CNTNAP2: variants seen among roughly 807,000 people sequenced by gnomAD.
CNTNAP2 encodes the protein contactin-associated protein-like 2.
CNTNAP2 carries 98 observed loss-of-function variants against 155.2 expected under a neutral mutation model. That is an observed-to-expected ratio of 0.63 (90% CI 0.54 to 0.75). CNTNAP2 has a LOEUF of 0.75. Among genes scored for constraint, CNTNAP2 ranks in the 30% least tolerant of loss-of-function variants. The pLI is 0.00. For missense variants in CNTNAP2, 1,727 were observed against 1,688.1 expected, an observed-to-expected ratio of 1.02 and a Z score of -0.40; for synonymous variants, 651 against 631.2, an observed-to-expected ratio of 1.03 and a Z score of -0.47.
At chr7:146,862,424 T>C (rs191906109) in intron 3 of CNTNAP2, among the ~76,000 whole-genome samples, 102 of 151,482 alleles carry the variant, frequency 6.7e-4, no homozygotes, top group Admixed American at 4.4e-3. Context: ...CTTCTTACAC[T>C]TCCTTGTTAA....
chr7:148,296,174 G>T (rs1003935540), intron 21 of CNTNAP2, among the ~76,000 whole-genome samples: 1 of 152,038 alleles, frequency 6.6e-6, no homozygotes, highest in Non-Finnish European at 1.5e-5. Context: ...TCCAATTTTT[G>T]TTCTCAGGCA....
intron 1 of CNTNAP2, among the ~76,000 whole-genome samples, chr7:146,141,645 A>G (rs1212357494): frequency 6.6e-6 from 1 of 151,960 alleles, no homozygotes; most frequent in African/African-American, 2.4e-5. Context: ...ATTTTTTCCT[A>G]CTTTAGGTGG....
At chr7:146,425,209 C>T (rs776285809) in intron 1 of CNTNAP2, among the ~76,000 whole-genome samples, 15 of 152,176 alleles carry the variant, frequency 9.9e-5, no homozygotes, top group Non-Finnish European at 2.2e-4. Context: ...AGAATATCCT[C>T]ACCCTTTTCT....
At chr7:146,793,596 A>T (rs1314144587) in intron 2 of CNTNAP2, among the ~76,000 whole-genome samples, 7 of 152,258 alleles carry the variant, frequency 4.6e-5, no homozygotes, top group Admixed American at 4.6e-4. Context: ...TATCAGGAAA[A>T]GCAAGAATGG....
chr7:147,367,046 T>G (rs541190108), intron 9 of CNTNAP2, among the ~76,000 whole-genome samples: 24 of 152,248 alleles, frequency 1.6e-4, no homozygotes, highest in African/African-American at 5.8e-4. Context: ...ACAAGTTAAT[T>G]TAGTTCACAA....
intron 1 of CNTNAP2, among the ~76,000 whole-genome samples, chr7:146,346,127 G>A (rs1794814944): frequency 6.6e-6 from 1 of 152,328 alleles, no homozygotes; most frequent in African/African-American, 2.4e-5. Flanking sequence ...GAACACATGA[G>A]TTCTTCCAGA....
rs899642073 is a variant in CNTNAP2, at chr7:146,222,105, C to G, written c.97+105132C>G. Among the ~76,000 whole-genome samples the G allele has an allele frequency of 2.0e-5, 3 of 152,118 alleles. 1 individual carries two copies. In the South Asian group the frequency reaches 6.2e-4, roughly 32 times the overall value. ...TGGTTTTTGATTTCCCTTTGAAATA[C>G]CCATTTTTTAAAAATGCTTATGTTA... is the stretch of plus-strand genomic sequence containing the variant. On this transcript the variant is annotated intron_variant, in intron 1 of 23. Coordinates refer to ENST00000361727, the MANE Select transcript of CNTNAP2 (RefSeq NM_014141.6).
In CNTNAP2 at chr7:146,842,844, C is replaced by G. The variant is rs553141184; in HGVS notation, c.402+2940C>G. Reference sequence around the variant, plus strand: ...GGGACCACAGGCGCCCGCCACCACGCCCGGCTAATTTTTTGTATTTTTAGT... The same window carrying G: ...GGGACCACAGGCGCCCGCCACCACGGCCGGCTAATTTTTTGTATTTTTAGT... On this transcript the variant is annotated intron_variant, in intron 3 of 23. Coordinates refer to ENST00000361727, the MANE Select transcript of CNTNAP2 (RefSeq NM_014141.6). Among the ~76,000 whole-genome samples the G allele has an allele frequency of 2.0e-5, 3 of 151,428 alleles. No individual in the cohort carries two copies. In the East Asian group the frequency reaches 5.9e-4, roughly 30 times the overall value.
chr7:146,704,344 G>A (rs1236650753), intron 1 of CNTNAP2, among the ~76,000 whole-genome samples: 1 of 152,066 alleles, frequency 6.6e-6, no homozygotes, highest in Non-Finnish European at 1.5e-5. Context: ...GAGAATAAGA[G>A]AAAGTTTTAG....
intron 1 of CNTNAP2, among the ~76,000 whole-genome samples, chr7:146,529,238 T>A (rs1414048357): frequency 6.6e-6 from 1 of 152,180 alleles, no homozygotes; most frequent in Non-Finnish European, 1.5e-5. Context: ...ATGTTTTCAA[T>A]TTTTTTGTAT....
intron 10 of CNTNAP2, among the ~76,000 whole-genome samples, chr7:147,452,209 TG>T (rs1223767312): frequency 6.6e-6 from 1 of 152,220 alleles, no homozygotes; most frequent in Non-Finnish European, 1.5e-5. Flanking sequence ...TATCTTTATA[TG>T]AATACACATA....
intron 8 of CNTNAP2, among the ~76,000 whole-genome samples, chr7:147,258,656 A>G (rs554970622): frequency 1.3e-5 from 2 of 152,318 alleles, no homozygotes; most frequent in African/African-American, 4.8e-5. Flanking sequence ...GTCGAAGATC[A>G]GGGGTGCAAA....
At chr7:146,902,293 C>T (rs146619300) in intron 3 of CNTNAP2, among the ~76,000 whole-genome samples, 143 of 152,210 alleles carry the variant, frequency 9.4e-4, no homozygotes, top group African/African-American at 3.0e-3. Context: ...TAATTTCTCA[C>T]TTTTAATCCC....
rs1803955984 is a variant in CNTNAP2 at position 148,095,918 on chromosome 7, A to C, written c.2384-22200A>C. On this transcript the variant is annotated intron_variant, in intron 15 of 23. Coordinates refer to ENST00000361727, the MANE Select transcript of CNTNAP2 (RefSeq NM_014141.6). ...TCTCTTTAAGCATGTCAACTAGAGC[A>C]GGAGAAAAGTTTCCCATGTATTTTC... Among the ~76,000 whole-genome samples the C allele has an allele frequency of 2.0e-5, 3 of 152,222 alleles. No homozygotes were observed. In the South Asian group the frequency reaches 6.2e-4, roughly 31 times the overall value.
At chr7:147,969,485 A>T (rs187205669) in intron 14 of CNTNAP2, among the ~76,000 whole-genome samples, 1 of 152,254 alleles carries the variant, frequency 6.6e-6, no homozygotes, top group Non-Finnish European at 1.5e-5. Flanking sequence ...GTTGGGACCT[A>T]CTGCAGGGCC....
chr7:147,652,080 A>C (rs1795458232), intron 13 of CNTNAP2, among the ~76,000 whole-genome samples: 2 of 152,298 alleles, frequency 1.3e-5, no homozygotes, highest in Middle Eastern at 3.4e-3. Context: ...ATAATCCATA[A>C]ATTTTATTTC....
intron 2 of CNTNAP2, among the ~76,000 whole-genome samples, chr7:146,796,388 G>A (rs1461199252): frequency 6.6e-6 from 1 of 152,170 alleles, no homozygotes; most frequent in East Asian, 1.9e-4. Context: ...GGATTGTGGA[G>A]GGTGAGCGGC....
chr7:147,286,802 C>T (rs1385840864), intron 8 of CNTNAP2, among the ~76,000 whole-genome samples: 1 of 152,064 alleles, frequency 6.6e-6, no homozygotes, highest in Non-Finnish European at 1.5e-5. Flanking sequence ...CATATTCTCC[C>T]CTTTCCACTC....
chr7:146,962,143 T>C (rs1055061754), intron 3 of CNTNAP2, among the ~76,000 whole-genome samples: 2 of 152,134 alleles, frequency 1.3e-5, no homozygotes, highest in African/African-American at 4.8e-5. Context: ...TTTACTGTTG[T>C]GAGATTCTTG....
Sources: gnomAD v4.1 joint callset for allele counts (sites outside exome capture counted in the v4.1 genomes callset) on GRCh38, gnomAD v4.1.1 for gene constraint, MANE v1.5 for transcripts, NCBI Gene and HGNC (gene_info 2026-07-23, HGNC 2026-07-21) for gene names.